The following CDH13 variants were observed in gnomAD, a reference collection of about 807,000 sequenced individuals.
The protein encoded by CDH13 is cadherin-13.
Under a neutral mutation model 63.8 loss-of-function variants are expected in CDH13, and 24 were observed. The observed-to-expected ratio is 0.38, with a 90% CI of 0.27 to 0.53. The LOEUF (loss-of-function observed/expected upper bound fraction) is 0.53, where lower values mean the gene tolerates loss of function less well. Among genes scored for constraint, CDH13 ranks in the 20% least tolerant of loss-of-function variants. The pLI is 0.85. For synonymous variants in CDH13, 503 were observed against 355.3 expected (o/e 1.42, Z -4.67); for missense variants, 1,049 against 903.1 (o/e 1.16, Z -2.07).
At chr16:83,572,107 T>C (rs974013878) in intron 7 of CDH13, among the ~76,000 whole-genome samples, 10 of 152,118 alleles carry the variant, frequency 6.6e-5, no homozygotes, top group South Asian at 2.1e-4. Context: ...CAGTAGATGT[T>C]ATTTATTTTT....
chr16:83,564,758 C>A (rs538053473), intron 7 of CDH13, among the ~76,000 whole-genome samples: 4 of 152,106 alleles, frequency 2.6e-5, no homozygotes, highest in Admixed American at 2.6e-4. Context: ...ATGACTGATA[C>A]ATTCAGGGAT....
At position 82,773,964 on chromosome 16, in the gene CDH13, T is replaced by G. The variant is rs536717329; in HGVS notation, c.46-84398T>G. 6.6e-5 allele frequency among the ~76,000 whole-genome samples: 10 copies of G among 152,216 alleles called. No individual in the cohort carries two copies. In the East Asian group the frequency reaches 1.6e-3, roughly 24 times the overall value. ...ACCCCTGGCTGATTTTTTGTGTTTT[T>G]GGGAGAGACAGGGTTTCACTATGTT... On this transcript the variant is annotated intron_variant, in intron 1 of 13. Transcript: ENST00000567109.
At chr16:83,219,456 G>A (rs1360620206) in intron 5 of CDH13, among the ~76,000 whole-genome samples, 1 of 152,092 alleles carries the variant, frequency 6.6e-6, no homozygotes, top group Non-Finnish European at 1.5e-5. Context: ...TCTTATCCTG[G>A]AAAATGGGAA....
chr16:83,037,203 A>G (rs75355268), intron 3 of CDH13, among the ~76,000 whole-genome samples: 28,979 of 152,172 alleles, frequency 0.19, 3,359 homozygotes, highest in East Asian at 0.29. Context: ...CATGCATCTT[A>G]GTCTATGTTT....
intron 10 of CDH13, among the ~76,000 whole-genome samples, chr16:83,711,659 G>A (rs1418476371): frequency 6.6e-6 from 1 of 152,162 alleles, no homozygotes; most frequent in East Asian, 1.9e-4. Flanking sequence ...GGGATTACGT[G>A]TGCATACCAC....
chr16:82,834,230 C>G (rs1408991952), intron 1 of CDH13, among the ~76,000 whole-genome samples: 3 of 152,148 alleles, frequency 2.0e-5, no homozygotes, highest in Non-Finnish European at 4.4e-5. Context: ...ATTTAAAGGT[C>G]AACGCCTTGT....
intron 1 of CDH13, among the ~76,000 whole-genome samples, chr16:82,663,488 G>T (rs143742016): frequency 6.6e-6 from 1 of 151,656 alleles, no homozygotes; most frequent in Non-Finnish European, 1.5e-5. Context: ...CCCAGCCACC[G>T]CCACTCATTT....
chr16:83,511,683 G>C (rs184464857), intron 7 of CDH13, among the ~76,000 whole-genome samples: 50 of 152,262 alleles, frequency 3.3e-4, no homozygotes, highest in Non-Finnish European at 5.9e-4. Context: ...ATGTAAGATA[G>C]TAAGAAGAAG....
At chr16:82,731,648 C>G (rs148150739) in intron 1 of CDH13, among the ~76,000 whole-genome samples, 181 of 152,298 alleles carry the variant, frequency 1.2e-3, no homozygotes, top group African/African-American at 4.3e-3. Flanking sequence ...GGGAACCACA[C>G]TTGCTCATCA....
At chr16:83,165,440 T>G (rs151017660) in intron 4 of CDH13, among the ~76,000 whole-genome samples, 2 of 152,268 alleles carry the variant, frequency 1.3e-5, no homozygotes, top group South Asian at 4.1e-4. Context: ...CTTTTTATTA[T>G]GCAAAACCTA....
At chr16:83,531,306 C>T (rs913570060) in intron 7 of CDH13, among the ~76,000 whole-genome samples, 16 of 152,182 alleles carry the variant, frequency 1.1e-4, no homozygotes, top group African/African-American at 3.4e-4. Context: ...CCTGGCATGG[C>T]CTGAAGGCAG....
chr16:83,043,257 A>T (rs1246465631), intron 3 of CDH13, among the ~76,000 whole-genome samples: 1 of 152,198 alleles, frequency 6.6e-6, no homozygotes, highest in Non-Finnish European at 1.5e-5. Flanking sequence ...TATTCTGGAG[A>T]TTAATTTTAA....
At position 83,481,741 on chromosome 16, in the gene CDH13, A is replaced by G. The variant is rs115756138; in HGVS notation, c.782-4736A>G. The stretch of plus-strand genomic sequence containing the variant: ...ATCTGGCTCAGGGAGTGACAGGGTG[A>G]TTATAATTTATTTTGTCACTCAGGA... On this transcript the variant is annotated intron_variant, in intron 6 of 13. Coordinates refer to ENST00000567109, the MANE Select transcript of CDH13 (RefSeq NM_001257.5). Among the ~76,000 whole-genome samples, 454 of 152,190 alleles carry G rather than the reference A, an allele frequency of 3.0e-3. 1 individual carries two copies. The highest frequency in any genetic ancestry group is 0.011 in the African/African-American group (440 of 41,516).
intron 2 of CDH13, among the ~76,000 whole-genome samples, chr16:82,947,246 T>C (rs1290388556): frequency 1.3e-5 from 2 of 152,176 alleles, no homozygotes; most frequent in Admixed American, 6.5e-5. Flanking sequence ...GCAATTTGTA[T>C]TTCTTCAGCT....
chr16:82,770,246 C>G (rs915638597), intron 1 of CDH13, among the ~76,000 whole-genome samples: 2 of 152,180 alleles, frequency 1.3e-5, no homozygotes, highest in African/African-American at 4.8e-5. Flanking sequence ...TTAATATTTC[C>G]TTTGTGTGAG....
intron 5 of CDH13, among the ~76,000 whole-genome samples, chr16:83,287,947 C>A: frequency 6.6e-6 from 1 of 152,104 alleles, no homozygotes; most frequent in Non-Finnish European, 1.5e-5. Flanking sequence ...TGCAGAAAAT[C>A]CATAATGAGC....
chr16:82,963,238 G>C (rs1412079854), intron 2 of CDH13, among the ~76,000 whole-genome samples: 1 of 151,970 alleles, frequency 6.6e-6, no homozygotes, highest in Non-Finnish European at 1.5e-5. Context: ...AAATTGCCAG[G>C]TGTGGTGGTG....
chr16:83,488,331 G>T (rs1057410048), intron 7 of CDH13, among the ~76,000 whole-genome samples: 3 of 152,128 alleles, frequency 2.0e-5, no homozygotes, highest in African/African-American at 7.2e-5. Context: ...GCCTAGCATG[G>T]TTGAAGTACT....
intron 2 of CDH13, chr16:83,023,037 G>T (rs1444568401): frequency 6.6e-6 from 1 of 152,076 alleles, no homozygotes; most frequent in Non-Finnish European, 1.5e-5. Flanking sequence ...ATGCCTTTTG[G>T]ATTTTCATCC....
Sources: gnomAD v4.1 joint callset for allele counts (sites outside exome capture counted in the v4.1 genomes callset) on GRCh38, gnomAD v4.1.1 for gene constraint, MANE v1.5 for transcripts, NCBI Gene and HGNC (gene_info 2026-07-23, HGNC 2026-07-21) for gene names.